The following BIRC6 variants were observed in gnomAD, a reference collection of about 807,000 sequenced individuals.
The protein encoded by BIRC6 is dual E2 ubiquitin-conjugating enzyme/E3 ubiquitin-protein ligase BIRC6.
In BIRC6, 98 loss-of-function variants were observed where a neutral mutation model predicts 503.3. That is an observed-to-expected ratio of 0.19 (90% CI 0.17 to 0.23). The LOEUF (loss-of-function observed/expected upper bound fraction) is 0.23, where lower values mean the gene tolerates loss of function less well. BIRC6 is among the 10% of genes least tolerant of loss of function. BIRC6 has a pLI of 1.00. For synonymous variants in BIRC6, 2,240 were observed against 2,078.7 expected (o/e 1.08, Z -2.11); for missense variants, 5,360 against 5,806.0 (o/e 0.92, Z 2.50).
chr2:32,471,624 A>G (rs1485076203), intron 32 of BIRC6, among the ~76,000 whole-genome samples: 1 of 152,132 alleles, frequency 6.6e-6, no homozygotes, highest in East Asian at 1.9e-4. Flanking sequence ...AAGGAAATCA[A>G]CCTGCAACAT....
chr2:32,496,440 T>C (rs2052482933), intron 45 of BIRC6, among the ~76,000 whole-genome samples: 1 of 152,120 alleles, frequency 6.6e-6, no homozygotes, highest in African/African-American at 2.4e-5. Flanking sequence ...GCCAGGCTGG[T>C]CTCAAACTCC....
At chr2:32,536,831 A>G (rs1420516013) in intron 61 of BIRC6, among the ~76,000 whole-genome samples, 1 of 152,136 alleles carries the variant, frequency 6.6e-6, no homozygotes, top group African/African-American at 2.4e-5. Flanking sequence ...GATGACATTG[A>G]ATCTATAAAT....
intron 65 of BIRC6, among the ~76,000 whole-genome samples, chr2:32,550,682 A>G (rs1193765132): frequency 1.3e-5 from 2 of 152,138 alleles, no homozygotes; most frequent in African/African-American, 4.8e-5. Flanking sequence ...AAAAATTTTA[A>G]ATTTCTGTTT....
At chr2:32,554,264 TA>T (rs1487758031) in intron 65 of BIRC6, among the ~76,000 whole-genome samples, 15 of 152,182 alleles carry the variant, frequency 9.9e-5, no homozygotes, top group Non-Finnish European at 1.8e-4. Context: ...ACCTTTTTAA[TA>T]GTGGTCTTAT....
At chr2:32,449,466 A>T (rs1173968221) in intron 22 of BIRC6, among the ~76,000 whole-genome samples, 1 of 152,162 alleles carries the variant, frequency 6.6e-6, no homozygotes. Context: ...CTATTTTTAT[A>T]ATCTTTTTAA....
intron 46 of BIRC6, among the ~76,000 whole-genome samples, chr2:32,501,306 CCT>C (rs1423534167): frequency 1.3e-5 from 2 of 152,064 alleles, no homozygotes; most frequent in Non-Finnish European, 2.9e-5. Context: ...CTATTCATGT[CCT>C]CTCTTCTTGA....
intron 73 of BIRC6, among the ~76,000 whole-genome samples, chr2:32,615,077 C>T (rs752850430): frequency 6.6e-6 from 1 of 152,090 alleles, no homozygotes; most frequent in Non-Finnish European, 1.5e-5. Flanking sequence ...AGCGGAATCA[C>T]GAAGGCGTAG....
intron 61 of BIRC6, among the ~76,000 whole-genome samples, chr2:32,536,739 T>C (rs1173758494): frequency 6.6e-6 from 1 of 152,212 alleles, no homozygotes; most frequent in Non-Finnish European, 1.5e-5. Flanking sequence ...TCAGGTAGCG[T>C]GATGTCTCCA....
At chr2:32,448,543 C>G (rs566604586) in intron 21 of BIRC6, among the ~76,000 whole-genome samples, 4 of 151,102 alleles carry the variant, frequency 2.6e-5, no homozygotes, top group African/African-American at 9.7e-5. Context: ...GGCAGGCACT[C>G]GGCAGGCTGA....
In BIRC6 at chr2:32,501,732, C is replaced by T. The variant is rs1405952377; in HGVS notation, c.9051C>T (p.Leu3017=). The T allele has an allele frequency of 1.9e-6, 3 of 1,611,738 alleles. No individual in the cohort carries two copies. Among genetic ancestry groups the T allele is most frequent in the Admixed American group, 1.7e-5 (1 of 59,384 alleles). The stretch of plus-strand genomic sequence containing the variant: ...TCTTAGGAGCAAGTGGATTACATCT[C>T]ACTAAACATGAAAACTTTCATGGTG... The part of the protein sequence containing the change: ...AMIIGASGLH[L]TKHENFHGGL... The change falls in exon 47 of 74, where the codon CTC becomes CTT. Residue 3017 remains leucine, a synonymous_variant. Transcript: ENST00000421745.
chr2:32,528,767 T>G (rs1223458178), intron 59 of BIRC6: 1 of 152,124 alleles, frequency 6.6e-6, no homozygotes, highest in Admixed American at 6.5e-5. Context: ...TTTCTGATGG[T>G]TCAGGGTACA....
At chr2:32,365,984 A>C (rs2034870650) in intron 1 of BIRC6, among the ~76,000 whole-genome samples, 1 of 152,008 alleles carries the variant, frequency 6.6e-6, no homozygotes, top group African/African-American at 2.4e-5. Flanking sequence ...TCCTGGGTTC[A>C]AGCGATTCTC....
At chr2:32,479,802 A>C (rs182048810) in intron 37 of BIRC6, among the ~76,000 whole-genome samples, 185 bp downstream of exon 37, 27 of 152,354 alleles carry the variant, frequency 1.8e-4, no homozygotes, top group African/African-American at 5.8e-4. Context: ...ACAAAATGCT[A>C]TAATTTCATA....
chr2:32,584,404 G>A (rs1160524319), intron 66 of BIRC6, among the ~76,000 whole-genome samples: 1 of 152,006 alleles, frequency 6.6e-6, no homozygotes, highest in Non-Finnish European at 1.5e-5. Context: ...GTGGCGCACA[G>A]TGGGTGTAAT....
chr2:32,500,845 TCTGC>T (rs2053099710), intron 46 of BIRC6, among the ~76,000 whole-genome samples: 1 of 152,054 alleles, frequency 6.6e-6, no homozygotes, highest in Non-Finnish European at 1.5e-5. Context: ...CCTCAGGTGA[TCTGC>T]CCACCTCAGC....
chr2:32,545,290 AAGC>A (rs2057979132), intron 62 of BIRC6, among the ~76,000 whole-genome samples: 1 of 152,188 alleles, frequency 6.6e-6, no homozygotes, highest in Non-Finnish European at 1.5e-5. Context: ...CTCCCAAGAA[AAGC>A]AGTTACTTTC....
rs563570396 is a variant in BIRC6, at chr2:32,505,152, C to T, written c.9647C>T (p.Ala3216Val). 2 of 1,597,572 alleles carry T rather than the reference C, an allele frequency of 1.3e-6. No individual in the cohort carries two copies. Among genetic ancestry groups the T allele is most frequent in the Admixed American group, 1.7e-5 (1 of 57,474 alleles). ...AWCDLTIHLP[A>V]AVLLKEIHIQ... The stretch of plus-strand genomic sequence containing the variant: ...TGTGACCTTACCATTCACCTTCCTG[C>T]AGCAGTGCTGCTTAAGGAGATACAT... Residue 3216 changes from alanine to valine, a missense_variant, in exon 50 of 74, where the codon GCA becomes GTA. Coordinates refer to ENST00000421745, the MANE Select transcript of BIRC6 (RefSeq NM_016252.4).
intron 35 of BIRC6, among the ~76,000 whole-genome samples, chr2:32,478,023 C>T (rs975662865): frequency 1.3e-5 from 2 of 152,014 alleles, no homozygotes; most frequent in Non-Finnish European, 2.9e-5. Flanking sequence ...AGGAAATACA[C>T]AAGTAAGTGT....
chr2:32,597,886 T>C lies in BIRC6; in HGVS notation c.13748T>C (p.Val4583Ala). 1 of 1,613,944 alleles carries C rather than the reference T, an allele frequency of 6.2e-7. No individual in the cohort carries two copies. The change falls in exon 69 of 74, where the codon GTG becomes GCG. Residue 4583 changes from valine (V) to alanine (A), a missense_variant. This residue lies in a region of BIRC6 where 477 missense variants were observed against 574.4 expected (regional missense o/e 0.83). Transcript: ENST00000421745. The stretch of plus-strand genomic sequence containing the variant: ...GCTCGCCGCCTTGCCCAGGAAGCTG[T>C]GACGCTTTCAACCTCACTGCCTCTG... ...ARARRLAQEA[V>A]TLSTSLPLSS...
Sources: allele counts gnomAD v4.1 joint callset (sites outside exome capture counted in the v4.1 genomes callset), GRCh38; gene constraint gnomAD v4.1.1; regional missense constraint gnomAD v4.1.1; transcripts MANE v1.5; gene names NCBI Gene and HGNC (gene_info 2026-07-23, HGNC 2026-07-21).